Variants in KLF12 observed in about 807,000 individuals in gnomAD.
KLF12 encodes KLF transcription factor 12.
In KLF12, 9 loss-of-function variants were observed where a neutral mutation model predicts 37.8. The observed-to-expected ratio is 0.24, with a 90% CI of 0.14 to 0.42. The LOEUF is 0.42. Among genes scored for constraint, KLF12 ranks in the 10% least tolerant of loss-of-function variants. KLF12 has a pLI of 1.00. For missense variants in KLF12, 411 were observed against 516.0 expected, an observed-to-expected ratio of 0.80 and a Z score of 1.97; for synonymous variants, 208 against 202.1, an observed-to-expected ratio of 1.03 and a Z score of -0.25.
At chr13:74,120,424 G>A (rs1290823812) in intron 1 of KLF12, among the ~76,000 whole-genome samples, 1 of 152,138 alleles carries the variant, frequency 6.6e-6, no homozygotes, top group Non-Finnish European at 1.5e-5. Flanking sequence ...AGGTTGCAGT[G>A]AGCTGAGGCT....
rs138459544 is a variant in KLF12 at position 73,931,455 on chromosome 13, T to C, written c.123+12526A>G. ...CCAAAGAAGATTAAGGCAAAATCTC[T>C]ATTTATATATATTTATGTCAGTATA... On this transcript the variant is annotated intron_variant, in intron 3 of 7. Transcript: ENST00000377669. 2.2e-3 allele frequency among the ~76,000 whole-genome samples: 340 copies of C among 152,262 alleles called. 3 individuals carry two copies. The highest frequency in any genetic ancestry group is 7.6e-3 in the African/African-American group (314 of 41,546).
intron 6 of KLF12, among the ~76,000 whole-genome samples, chr13:73,721,498 C>A (rs1449220285): frequency 6.6e-6 from 1 of 152,168 alleles, no homozygotes; most frequent in Non-Finnish European, 1.5e-5. Flanking sequence ...GTCAGATGGG[C>A]ATTCAGTACA....
At chr13:74,235,551 T>C in the KLF12 span, among the ~76,000 whole-genome samples, 4 of 152,196 alleles carry the variant, frequency 2.6e-5, no homozygotes, top group Non-Finnish European at 5.9e-5. Flanking sequence ...ACATCTGCTG[T>C]TGTGGATGGC....
At chr13:73,954,127 C>T (rs1332778136) in intron 2 of KLF12, among the ~76,000 whole-genome samples, 1 of 151,710 alleles carries the variant, frequency 6.6e-6, no homozygotes, top group East Asian at 1.9e-4. Flanking sequence ...TACAGGCACC[C>T]GCCACCACGC....
intron 2 of KLF12, among the ~76,000 whole-genome samples, chr13:73,957,617 A>G (rs1400434659): frequency 6.6e-6 from 1 of 152,242 alleles, no homozygotes; most frequent in Non-Finnish European, 1.5e-5. Context: ...GCTGGATAAG[A>G]TCTTTAGATT....
chr13:74,057,062 C>A (rs1324855735), intron 1 of KLF12, among the ~76,000 whole-genome samples: 1 of 152,174 alleles, frequency 6.6e-6, no homozygotes, highest in Non-Finnish European at 1.5e-5. Context: ...AGAGACCAGC[C>A]ATGATGAGCT....
intron 1 of KLF12, among the ~76,000 whole-genome samples, chr13:74,019,784 G>T (rs75685323): frequency 1.3e-5 from 2 of 152,258 alleles, no homozygotes; most frequent in Non-Finnish European, 2.9e-5. Flanking sequence ...AAGCCCCCTG[G>T]TCTTTTCTTT....
the KLF12 span, among the ~76,000 whole-genome samples, chr13:74,284,752 A>G: frequency 2.3e-3 from 346 of 152,316 alleles, 2 homozygotes; most frequent in African/African-American, 7.7e-3. Context: ...AAGGGAGGAC[A>G]TGCGAGAGGG....
chr13:74,290,235 G>A, the KLF12 span, among the ~76,000 whole-genome samples: 1 of 152,178 alleles, frequency 6.6e-6, no homozygotes, highest in East Asian at 1.9e-4. Context: ...GAGACACGGA[G>A]AAATAATAAG....
chr13:74,058,516 C>T (rs867656380), intron 1 of KLF12, among the ~76,000 whole-genome samples: 66 of 151,740 alleles, frequency 4.3e-4, no homozygotes, highest in Non-Finnish European at 6.9e-4. Flanking sequence ...CCACCACGCC[C>T]GGCTAATTTT....
At chr13:74,055,381 ATACAAAGCATTTATT>A (rs1873188946) in intron 1 of KLF12, among the ~76,000 whole-genome samples, 1 of 152,238 alleles carries the variant, frequency 6.6e-6, no homozygotes, top group South Asian at 2.1e-4. Context: ...CAACAAATCA[ATACAAAGCATTTATT>A]TACTTTGCCA....
the KLF12 span, among the ~76,000 whole-genome samples, chr13:74,166,369 G>C: frequency 1.3e-5 from 2 of 152,056 alleles, no homozygotes; most frequent in South Asian, 4.1e-4. Context: ...TGGGATTATA[G>C]GCACGATCCA....
chr13:74,095,193 T>C (rs1875906288), intron 1 of KLF12, among the ~76,000 whole-genome samples: 1 of 152,152 alleles, frequency 6.6e-6, no homozygotes, highest in African/African-American at 2.4e-5. Flanking sequence ...AGATCAGTCA[T>C]CTTTTTTTCA....
In KLF12 at chr13:73,687,211, CAT is replaced by C. The variant is rs1873544663; in HGVS notation, c.*8277_*8278del. 6 of 152,674 alleles carry C rather than the reference CAT, an allele frequency of 3.9e-5. No individual in the cohort carries two copies. In the South Asian group the frequency reaches 1.2e-3, roughly 32 times the overall value. The allele number at this position is 152,674 out of a possible 1,614,324, so 9.5% of individuals were successfully genotyped here. A position where few individuals can be genotyped will look rare whatever the true frequency, so the allele number is the denominator to read the frequency against. On this transcript the variant is annotated 3_prime_UTR_variant, in exon 8 of 8. Coordinates refer to ENST00000377669, the MANE Select transcript of KLF12 (RefSeq NM_007249.5). ...ATAATTGCATTATGATGCAGGATGACATAATACATAAGACGATGTTTTCAAGC... is the reference window on the plus strand; with the variant it reads ...ATAATTGCATTATGATGCAGGATGACAATACATAAGACGATGTTTTCAAGC...
At chr13:73,963,172 A>G (rs1891070902) in intron 2 of KLF12, among the ~76,000 whole-genome samples, 3 of 152,304 alleles carry the variant, frequency 2.0e-5, no homozygotes, top group South Asian at 2.1e-4. Context: ...ACAATTAAAT[A>G]AAGCATAGTC....
At chr13:73,779,165 G>T (rs2138180475) in intron 5 of KLF12, among the ~76,000 whole-genome samples, 1 of 152,204 alleles carries the variant, frequency 6.6e-6, no homozygotes, top group South Asian at 2.1e-4. Context: ...TAAGTGACTG[G>T]AGTATCTTTT....
chr13:74,010,400 T>C (rs1892521945), intron 1 of KLF12, among the ~76,000 whole-genome samples: 1 of 152,166 alleles, frequency 6.6e-6, no homozygotes, highest in Non-Finnish European at 1.5e-5. Flanking sequence ...GGCAATAATG[T>C]TTCCTTAAAT....
chr13:73,922,413 G>C (rs986762683), intron 3 of KLF12, among the ~76,000 whole-genome samples: 1 of 152,180 alleles, frequency 6.6e-6, no homozygotes, highest in African/African-American at 2.4e-5. Context: ...AAATCAAGAA[G>C]CTGCACAGCC....
intron 6 of KLF12, among the ~76,000 whole-genome samples, chr13:73,752,913 TG>T (rs1459580772): frequency 1.3e-5 from 2 of 151,616 alleles, no homozygotes; most frequent in Admixed American, 1.3e-4. Flanking sequence ...AAATTAGTAC[TG>T]GCTAATTTTT....
Sources: gnomAD v4.1 joint callset for allele counts (sites outside exome capture counted in the v4.1 genomes callset) on GRCh38, gnomAD v4.1.1 for gene constraint, MANE v1.5 for transcripts, NCBI Gene and HGNC (gene_info 2026-07-23, HGNC 2026-07-21) for gene names.